Variants in GRID2 observed in about 807,000 individuals in gnomAD.
GRID2 encodes glutamate ionotropic receptor delta type subunit 2.
GRID2 carries 33 observed loss-of-function variants against 114.8 expected under a neutral mutation model. The ratio of observed to expected loss-of-function variants is 0.29; its 90% CI spans 0.22 to 0.38. The LOEUF (loss-of-function observed/expected upper bound fraction) is 0.38. Ranked by LOEUF, GRID2 falls within the 10% of genes least tolerant of loss-of-function variation. The pLI, the probability that GRID2 is intolerant of heterozygous loss-of-function variation, is 1.00. For missense variants in GRID2, 1,184 were observed against 1,257.7 expected, an observed-to-expected ratio of 0.94 and a Z score of 0.89; for synonymous variants, 505 against 449.9, an observed-to-expected ratio of 1.12 and a Z score of -1.55.
chr4:93,724,339 C>T (rs72875923), intron 14 of GRID2, among the ~76,000 whole-genome samples: 9,244 of 152,168 alleles, frequency 0.061, 942 homozygotes, highest in African/African-American at 0.21. Context: ...ACCTCCTTTA[C>T]AGAGCTAAGG....
intron 8 of GRID2, among the ~76,000 whole-genome samples, chr4:93,260,329 A>G (rs975467190): frequency 3.3e-5 from 5 of 151,570 alleles, no homozygotes; most frequent in Middle Eastern, 3.4e-3. Context: ...TCAAATTTTA[A>G]TAATCAAAAT....
intron 14 of GRID2, among the ~76,000 whole-genome samples, chr4:93,734,932 A>C (rs779968581): frequency 3.3e-5 from 5 of 152,074 alleles, no homozygotes; most frequent in Admixed American, 6.6e-5. Flanking sequence ...AAACATTAAT[A>C]AATAAGTCTT....
chr4:93,570,640 TC>T (rs1307719182), intron 13 of GRID2, among the ~76,000 whole-genome samples: 2 of 152,194 alleles, frequency 1.3e-5, no homozygotes, highest in African/African-American at 2.4e-5. Flanking sequence ...TTTCAGAACA[TC>T]ACTGCGTACT....
At chr4:93,254,935 T>G (rs893673491) in intron 8 of GRID2, among the ~76,000 whole-genome samples, 1 of 152,140 alleles carries the variant, frequency 6.6e-6, no homozygotes, top group Non-Finnish European at 1.5e-5. Flanking sequence ...TGTTTCACCT[T>G]CTTTTCCTTT....
At chr4:93,787,373 C>T (rs908765414) in intron 1 of GRID2, among the ~76,000 whole-genome samples, 2 of 151,966 alleles carry the variant, frequency 1.3e-5, no homozygotes, top group Non-Finnish European at 1.5e-5. Flanking sequence ...AAATAAAAAG[C>T]ACATTGGGAG....
At chr4:92,388,275 A>G (rs1437696751) in intron 1 of GRID2, among the ~76,000 whole-genome samples, 1 of 152,030 alleles carries the variant, frequency 6.6e-6, no homozygotes, top group Non-Finnish European at 1.5e-5. Context: ...AAAATCAGAA[A>G]AAAGCTTTGG....
chr4:92,309,070 G>A (rs751914548), intron 1 of GRID2, among the ~76,000 whole-genome samples: 48 of 151,842 alleles, frequency 3.2e-4, no homozygotes, highest in Non-Finnish European at 5.3e-4. Flanking sequence ...TGCTTTCTAC[G>A]CCAGGTGAAA....
intron 2 of GRID2, among the ~76,000 whole-genome samples, chr4:92,801,702 A>T (rs565140654): frequency 6.6e-6 from 1 of 152,066 alleles, no homozygotes; most frequent in Non-Finnish European, 1.5e-5. Context: ...CATATGGTAA[A>T]TTTAGTGTAA....
At position 93,571,193 on chromosome 4, in the gene GRID2, G is replaced by T. The variant is rs1735898862; in HGVS notation, c.2194-55076G>T. ...AATCAAATAGAGAAGGAATGTTTTG[G>T]GCAGATGGCAGGGGTGAAGGTCCTA... On this transcript the variant is annotated intron_variant, in intron 13 of 15. Transcript: ENST00000282020. Among the ~76,000 whole-genome samples, 4 of 151,946 alleles carry T rather than the reference G, an allele frequency of 2.6e-5. No individual in the cohort carries two copies. The South Asian group carries it at 8.3e-4, about 32-fold the overall frequency.
chr4:92,863,519 G>T (rs1371529597), intron 2 of GRID2, among the ~76,000 whole-genome samples: 1 of 152,070 alleles, frequency 6.6e-6, no homozygotes, highest in South Asian at 2.1e-4. Flanking sequence ...ACAGCAGCCT[G>T]CTCATCTACT....
intron 8 of GRID2, among the ~76,000 whole-genome samples, chr4:93,287,020 A>AT (rs1235999023): frequency 2.0e-5 from 3 of 152,076 alleles, no homozygotes; most frequent in Non-Finnish European, 2.9e-5. Flanking sequence ...GGTAAGAAAA[A>AT]ATATATATGA....
chr4:92,735,001 A>G (rs769201464), intron 2 of GRID2, among the ~76,000 whole-genome samples: 78 of 150,596 alleles, frequency 5.2e-4, no homozygotes, highest in Non-Finnish European at 7.8e-4. Context: ...CTGGTCTTGG[A>G]CTCTTGGGCT....
chr4:93,067,458 C>A (rs1020621730), intron 2 of GRID2, among the ~76,000 whole-genome samples: 8 of 152,008 alleles, frequency 5.3e-5, no homozygotes, highest in South Asian at 2.1e-4. Flanking sequence ...GAAGCTCCAT[C>A]AGGCCTCTAT....
At chr4:92,464,671 T>C (rs557529978) in intron 1 of GRID2, among the ~76,000 whole-genome samples, 80 of 152,230 alleles carry the variant, frequency 5.3e-4, no homozygotes, top group African/African-American at 1.6e-3. Context: ...ACAAGTTCAT[T>C]AATCTCAAGC....
At chr4:92,759,232 T>C (rs1292706967) in intron 2 of GRID2, among the ~76,000 whole-genome samples, 1 of 152,208 alleles carries the variant, frequency 6.6e-6, no homozygotes, top group Non-Finnish European at 1.5e-5. Context: ...AGATCCATAA[T>C]ATCTCCAATA....
At chr4:93,335,715 G>C (rs1759003565) in intron 8 of GRID2, among the ~76,000 whole-genome samples, 1 of 127,090 alleles carries the variant, frequency 7.9e-6, no homozygotes, top group South Asian at 2.3e-4. Flanking sequence ...TTGAGACAGG[G>C]TCTCACTCTG....
At chr4:93,148,831 A>G (rs1736482584) in intron 4 of GRID2, among the ~76,000 whole-genome samples, 1 of 152,204 alleles carries the variant, frequency 6.6e-6, no homozygotes, top group African/African-American at 2.4e-5. Context: ...TAGATATGTA[A>G]TAAATATTTC....
chr4:93,130,729 T>G lies in GRID2; in HGVS notation c.735+19776T>G, dbSNP rs1371987919. Among the ~76,000 whole-genome samples the G allele has an allele frequency of 3.3e-5, 5 of 152,178 alleles. No homozygotes were observed. The South Asian group carries it at 1.0e-3, about 32-fold the overall frequency. ...TTCATGAGGTCGAGCTCTTTATTTT[T>G]TCAAGTCCAAATCCCACACCATATA... On this transcript the variant is annotated intron_variant, in intron 4 of 15. Coordinates refer to ENST00000282020, the MANE Select transcript of GRID2 (RefSeq NM_001510.4).
chr4:93,787,313 T>C (rs975509188), intron 1 of GRID2, among the ~76,000 whole-genome samples: 9 of 152,118 alleles, frequency 5.9e-5, no homozygotes, highest in African/African-American at 9.6e-5. Flanking sequence ...TTTGTAATAA[T>C]CTAAGCATGA....
Sources: gnomAD v4.1 joint callset for allele counts (sites outside exome capture counted in the v4.1 genomes callset) on GRCh38, gnomAD v4.1.1 for gene constraint, MANE v1.5 for transcripts, NCBI Gene and HGNC (gene_info 2026-07-23, HGNC 2026-07-21) for gene names.